The following SGK3 variants were observed in gnomAD, a reference collection of about 807,000 sequenced individuals.
SGK3 encodes the protein serum/glucocorticoid regulated kinase family member 3, also known as serine/threonine-protein kinase Sgk3.
Under a neutral mutation model 68.5 loss-of-function variants are expected in SGK3, and 47 were observed. The ratio of observed to expected loss-of-function variants is 0.69; its 90% CI spans 0.54 to 0.87. The LOEUF (loss-of-function observed/expected upper bound fraction) is 0.87, where lower values mean the gene tolerates loss of function less well. SGK3 is among the 40% of genes least tolerant of loss of function. The pLI, the probability that SGK3 is intolerant of heterozygous loss-of-function variation, is 0.00. For synonymous variants in SGK3, 181 were observed against 189.1 expected (o/e 0.96, Z 0.35); for missense variants, 479 against 575.5 (o/e 0.83, Z 1.72).
intron 1 of SGK3, among the ~76,000 whole-genome samples, chr8:66,744,512 T>C (rs1307867845): frequency 2.2e-4 from 7 of 31,534 alleles, no homozygotes; most frequent in African/African-American, 1.4e-3. Context: ...TATATATATA[T>C]ATATATATTT....
chr8:66,804,305 G>A, intron 3 of SGK3, 70 bp from the exon 4 acceptor site: 1 of 1,286,302 alleles, frequency 7.8e-7, no homozygotes, highest in Non-Finnish European at 1.1e-6. Flanking sequence ...GATTGTATTT[G>A]GCTTTGATGT....
chr8:66,732,983 T>C (rs1376808671), intron 1 of SGK3, among the ~76,000 whole-genome samples: 3 of 152,230 alleles, frequency 2.0e-5, no homozygotes, highest in African/African-American at 7.2e-5. Context: ...AATGACCATA[T>C]TGGAAGGCCA....
At chr8:66,749,355 C>A (rs952041060) in intron 1 of SGK3, among the ~76,000 whole-genome samples, 5 of 150,746 alleles carry the variant, frequency 3.3e-5, no homozygotes, top group African/African-American at 1.2e-4. Context: ...CTACCCACTA[C>A]ACTCCAGTCT....
chr8:66,759,073 T>TTGTC, intron 1 of SGK3, among the ~76,000 whole-genome samples: 1 of 133,878 alleles, frequency 7.5e-6, no homozygotes, highest in African/African-American at 3.2e-5. Context: ...TTCTTTTTTC[T>TTGTC]TTTCTTCTTT....
At chr8:66,777,947 A>T (rs1806777220) in intron 1 of SGK3, 1 of 152,216 alleles carries the variant, frequency 6.6e-6, no homozygotes, top group Admixed American at 6.5e-5. Flanking sequence ...TTTTTCTCCG[A>T]TGTGGGCAGG....
At chr8:66,724,784 T>C (rs919148285) in intron 1 of SGK3, among the ~76,000 whole-genome samples, 1 of 152,130 alleles carries the variant, frequency 6.6e-6, no homozygotes, top group Non-Finnish European at 1.5e-5. Flanking sequence ...CTTGACTACA[T>C]GTAAAGGGAC....
At chr8:66,858,956 A>G (rs1563664594) in intron 16 of SGK3, among the ~76,000 whole-genome samples, 1 of 152,202 alleles carries the variant, frequency 6.6e-6, no homozygotes, top group Non-Finnish European at 1.5e-5. Flanking sequence ...GGAAAAGCAG[A>G]AAAGCGTTTC....
intron 5 of SGK3, among the ~76,000 whole-genome samples, chr8:66,816,206 G>A (rs1195046317): frequency 6.6e-6 from 1 of 151,902 alleles, no homozygotes; most frequent in African/African-American, 2.4e-5. Context: ...GTTTCACCAT[G>A]TTAGCCAGGA....
At chr8:66,723,102 TATATATATATATATATATATA>T (rs1804851025) in intron 1 of SGK3, among the ~76,000 whole-genome samples, 1 of 30,498 alleles carries the variant, frequency 3.3e-5, no homozygotes, top group Non-Finnish European at 6.0e-5. Context: ...TATATATATA[TATATATATATATATATATATA>T]TATATATATT....
intron 3 of SGK3, 55 bp downstream of exon 3, chr8:66,798,680 A>G: frequency 1.4e-6 from 2 of 1,455,602 alleles, no homozygotes; most frequent in Non-Finnish European, 1.9e-6. Flanking sequence ...AGAAAACCCA[A>G]AATAAGAGAG....
At chr8:66,795,768 T>C (rs1209003605) in intron 2 of SGK3, among the ~76,000 whole-genome samples, 1 of 152,174 alleles carries the variant, frequency 6.6e-6, no homozygotes, top group Admixed American at 6.5e-5. Flanking sequence ...AAATATTGCC[T>C]TATTAGAGAG....
At chr8:66,781,398 G>A (rs1314497472) in intron 1 of SGK3, among the ~76,000 whole-genome samples, 1 of 152,172 alleles carries the variant, frequency 6.6e-6, no homozygotes, top group East Asian at 1.9e-4. Context: ...CTCAGGATGG[G>A]AGTACATTGG....
At position 66,739,699 on chromosome 8, in the gene SGK3, A is replaced by G. The variant is rs550508650; in HGVS notation, c.-122+26866A>G. 1.4e-4 allele frequency among the ~76,000 whole-genome samples: 21 copies of G among 152,236 alleles called. No homozygotes were observed. In the South Asian group the frequency reaches 4.4e-3, roughly 32 times the overall value. On this transcript the variant is annotated intron_variant, in intron 1 of 16. Coordinates refer to ENST00000521198, the MANE Select transcript of SGK3 (RefSeq NM_001033578.3). ...GCATGAGCCACAGTACCCAGCCGAC[A>G]CTGGGTAATTTATAAAGGAAAGAGG...
chr8:66,840,289 G>A, intron 12 of SGK3, 42 bp downstream of exon 12: 2 of 1,527,890 alleles, frequency 1.3e-6, no homozygotes, highest in South Asian at 2.6e-5. Flanking sequence ...CTCAATTTTT[G>A]TTGTTGCTTT....
chr8:66,752,116 TA>T (rs1251510295), intron 1 of SGK3, among the ~76,000 whole-genome samples: 5 of 152,120 alleles, frequency 3.3e-5, no homozygotes, highest in African/African-American at 1.2e-4. Context: ...ATGTGACCAA[TA>T]GATTTTGGCC....
chr8:66,777,108 A>T (rs1187374697), intron 1 of SGK3, among the ~76,000 whole-genome samples: 2 of 152,200 alleles, frequency 1.3e-5, no homozygotes, highest in African/African-American at 4.8e-5. Flanking sequence ...GTTCAAAAGC[A>T]TTGTGGAGTG....
At chr8:66,799,252 A>G (rs940258610) in intron 3 of SGK3, among the ~76,000 whole-genome samples, 2 of 152,234 alleles carry the variant, frequency 1.3e-5, no homozygotes, top group East Asian at 3.8e-4. Context: ...GCAAAGAGCC[A>G]GGCACGATGG....
At chr8:66,817,388 G>A (rs1367269461) in intron 5 of SGK3, among the ~76,000 whole-genome samples, 1 of 150,988 alleles carries the variant, frequency 6.6e-6, no homozygotes, top group Non-Finnish European at 1.5e-5. Context: ...CCAAGATCGT[G>A]CCACTGCACT....
intron 8 of SGK3, among the ~76,000 whole-genome samples, chr8:66,833,700 A>T (rs941386231): frequency 2.0e-5 from 3 of 151,984 alleles, no homozygotes; most frequent in Middle Eastern, 3.4e-3. Context: ...TCTGTTTAGA[A>T]TTTTTTTTGA....
Sources: allele counts gnomAD v4.1 joint callset (sites outside exome capture counted in the v4.1 genomes callset), GRCh38; gene constraint gnomAD v4.1.1; transcripts MANE v1.5; gene names NCBI Gene and HGNC (gene_info 2026-07-23, HGNC 2026-07-21).